L3MBTL3: variants seen among roughly 807,000 people sequenced by gnomAD.
L3MBTL3 encodes L3MBTL histone methyl-lysine binding protein 3, also known as lethal(3)malignant brain tumor-like protein 3.
In L3MBTL3, 27 loss-of-function variants were observed where a neutral mutation model predicts 102.3. The observed-to-expected ratio is 0.26, with a 90% CI of 0.19 to 0.36. The LOEUF is 0.36. L3MBTL3 is among the 10% of genes least tolerant of loss of function. L3MBTL3 has a pLI of 1.00. For missense variants in L3MBTL3, 798 were observed against 955.3 expected (o/e 0.84, Z 2.17); for synonymous variants, 340 against 320.9 (o/e 1.06, Z -0.64).
At chr6:130,032,824 T>C (rs927270750) in intron 2 of L3MBTL3, among the ~76,000 whole-genome samples, 7 of 152,102 alleles carry the variant, frequency 4.6e-5, no homozygotes, top group African/African-American at 1.7e-4. Flanking sequence ...GACCCCCATC[T>C]CTACAAAAAA....
intron 20 of L3MBTL3, among the ~76,000 whole-genome samples, chr6:130,121,444 T>C (rs913546194): frequency 1.3e-5 from 2 of 152,206 alleles, no homozygotes; most frequent in Non-Finnish European, 2.9e-5. Flanking sequence ...AACTTTAAGT[T>C]TGGTTAACTT....
chr6:130,026,842 G>T (rs1779384685), intron 2 of L3MBTL3, among the ~76,000 whole-genome samples: 1 of 152,132 alleles, frequency 6.6e-6, no homozygotes, highest in South Asian at 2.1e-4. Context: ...AATGGGACCT[G>T]CATCTACCAA....
chr6:130,046,682 T>C (rs1399584769), intron 3 of L3MBTL3, among the ~76,000 whole-genome samples: 1 of 150,186 alleles, frequency 6.7e-6, no homozygotes, highest in Non-Finnish European at 1.5e-5. Context: ...AATTTTGACT[T>C]TCTTGGTTGT....
chr6:130,075,506 G>A (rs9492442), intron 13 of L3MBTL3, among the ~76,000 whole-genome samples: 60,225 of 152,010 alleles, frequency 0.4, 13,821 homozygotes, highest in African/African-American at 0.64. Flanking sequence ...GAAAGGGATT[G>A]ATAATAATAC....
At chr6:130,022,569 T>C (rs1054985656) in intron 2 of L3MBTL3, among the ~76,000 whole-genome samples, 3 of 152,226 alleles carry the variant, frequency 2.0e-5, no homozygotes, top group African/African-American at 2.4e-5. Context: ...TGTTTTCTAC[T>C]GAAAGTAAAT....
At chr6:130,057,529 G>C in intron 9 of L3MBTL3, 32 bp downstream of exon 9, 1 of 1,516,430 alleles carries the variant, frequency 6.6e-7, no homozygotes, top group Non-Finnish European at 9.0e-7. Flanking sequence ...TGATCTGTAA[G>C]GGCGCAGGAG....
intron 19 of L3MBTL3, among the ~76,000 whole-genome samples, chr6:130,106,789 C>G (rs574481200): frequency 1.8e-4 from 27 of 152,290 alleles, no homozygotes; most frequent in African/African-American, 6.5e-4. Flanking sequence ...CTGTTGGTCT[C>G]TTATAAACCT....
rs1452919384 is a variant in L3MBTL3, at chr6:130,066,353, G to A, written c.865G>A (p.Val289Ile). The change falls in exon 11 of 23, where the codon GTT becomes ATT. Residue 289 changes from valine (V) to isoleucine (I), a missense_variant and splice_region_variant. By Grantham distance (29) the Val-to-Ile change is conservative. Transcript: ENST00000361794. ...SVYCVLTVAE[V>I]CGYRIKLHFD... Reference sequence around the variant, plus strand: ...ATTCAACCTATTTTACCTGTTTCAGGTTTGTGGATACCGGATAAAGCTTCA... The same window carrying A: ...ATTCAACCTATTTTACCTGTTTCAGATTTGTGGATACCGGATAAAGCTTCA... The A allele has an allele frequency of 1.3e-6, 2 of 1,571,098 alleles. No individual in the cohort carries two copies. Among genetic ancestry groups the A allele is most frequent in the Non-Finnish European group, 8.6e-7 (1 of 1,159,188 alleles).
chr6:130,112,242 CT>C (rs1785397483), intron 19 of L3MBTL3, among the ~76,000 whole-genome samples: 1 of 152,184 alleles, frequency 6.6e-6, no homozygotes, highest in African/African-American at 2.4e-5. Flanking sequence ...GGGGCCATGT[CT>C]TTTCTTACTC....
At chr6:130,049,661 T>A (rs1780965940) in intron 4 of L3MBTL3, 95 bp from the exon 5 acceptor site, 15 of 1,408,488 alleles carry the variant, frequency 1.1e-5, no homozygotes, top group Non-Finnish European at 1.5e-5. Flanking sequence ...CCTACACAGG[T>A]GATTTAGCCA....
Position 130,094,305 on chromosome 6 carries a change from C to G in L3MBTL3, c.1674C>G (p.Cys558Trp). ...TGGAAGCTTCAGAACATGGTGGATG[C>G]TCAACCCCGGGATGTAAAGGGATTG... ...ELMEASEHGG[C>W]STPGCKGIGH... The change falls in exon 18 of 23, where the codon TGC (cysteine) becomes TGG (tryptophan). Residue 558 changes from cysteine to tryptophan, a missense_variant. Coordinates refer to ENST00000361794, the MANE Select transcript of L3MBTL3 (RefSeq NM_032438.4). 1 of 1,613,810 alleles carries G rather than the reference C, an allele frequency of 6.2e-7. No homozygotes were observed.
chr6:130,045,617 C>T (rs1780681521), intron 3 of L3MBTL3, among the ~76,000 whole-genome samples: 2 of 152,072 alleles, frequency 1.3e-5, no homozygotes. Flanking sequence ...TATCTTACAC[C>T]TGCTATACTG....
intron 3 of L3MBTL3, among the ~76,000 whole-genome samples, chr6:130,043,496 A>G (rs891485261): frequency 5.3e-5 from 8 of 152,146 alleles, no homozygotes; most frequent in African/African-American, 9.7e-5. Context: ...CCGATCTGGG[A>G]AACCAACTAC....
At chr6:130,135,624 TA>T (rs759121245) in intron 22 of L3MBTL3, among the ~76,000 whole-genome samples, 1 of 152,228 alleles carries the variant, frequency 6.6e-6, no homozygotes, top group African/African-American at 2.4e-5. Flanking sequence ...TAATTTTTTT[TA>T]TTCATGGCAG....
intron 19 of L3MBTL3, among the ~76,000 whole-genome samples, chr6:130,120,252 G>A (rs1431531222): frequency 6.6e-6 from 1 of 152,082 alleles, no homozygotes; most frequent in African/African-American, 2.4e-5. Flanking sequence ...AAACAAACCC[G>A]TTTTTGCCCT....
In L3MBTL3 at chr6:130,042,759, C is replaced by G; in HGVS notation, c.60C>G (p.Asp20Glu). The G allele has an allele frequency of 6.2e-7, 1 of 1,613,606 alleles. No individual in the cohort carries two copies. The highest frequency in any genetic ancestry group is 8.5e-7 in the Non-Finnish European group (1 of 1,179,650). Residue 20 changes from aspartate to glutamate, a missense_variant, in exon 3 of 23, where the codon GAC (aspartate) becomes GAG (glutamate). Around this residue, in one of 4 missense-constraint regions of L3MBTL3, gnomAD observed 434 missense variants for 506.6 expected, o/e 0.86. Coordinates refer to ENST00000361794, the MANE Select transcript of L3MBTL3 (RefSeq NM_032438.4). Reference sequence around the variant, plus strand: ...AGTTTGATGTGTTCAGTGTTATGGACTGGAAAGATGGAGTGGGCACGTTAC... The same window carrying G: ...AGTTTGATGTGTTCAGTGTTATGGAGTGGAAAGATGGAGTGGGCACGTTAC... ...GQEFDVFSVM[D>E]WKDGVGTLPG...
intron 18 of L3MBTL3, 49 bp downstream of exon 18, chr6:130,094,416 C>T (rs904521747): frequency 3.3e-6 from 4 of 1,195,642 alleles, no homozygotes; most frequent in Admixed American, 2.0e-5. Context: ...GTTCCATATA[C>T]ATGTATATAT....
intron 13 of L3MBTL3, among the ~76,000 whole-genome samples, chr6:130,073,483 TTTAAAGTTAG>T (rs1024951186): frequency 3.9e-5 from 6 of 152,178 alleles, no homozygotes; most frequent in African/African-American, 1.4e-4. Flanking sequence ...ATATTTTGTT[TTTAAAGTTAG>T]GTTTATTTGG....
intron 18 of L3MBTL3, among the ~76,000 whole-genome samples, chr6:130,094,636 T>G (rs1230302703): frequency 6.6e-6 from 1 of 152,100 alleles, no homozygotes; most frequent in African/African-American, 2.4e-5. Flanking sequence ...AGTTAGTTTC[T>G]GCAGTAGTTA....
Sources: gnomAD v4.1 joint callset for allele counts (sites outside exome capture counted in the v4.1 genomes callset) on GRCh38, gnomAD v4.1.1 for gene constraint, gnomAD v4.1.1 regional missense constraint, MANE v1.5 for transcripts, NCBI Gene and HGNC (gene_info 2026-07-23, HGNC 2026-07-21) for gene names.